CTNNA3: variants seen among roughly 807,000 people sequenced by gnomAD.
CTNNA3 encodes catenin alpha 3, also known as catenin alpha-3.
A neutral mutation model predicts 95.7 loss-of-function variants in CTNNA3; 76 were observed. The observed-to-expected ratio is 0.79, with a 90% confidence interval of 0.66 to 0.96. The LOEUF (loss-of-function observed/expected upper bound fraction) is 0.96, where lower values mean the gene tolerates loss of function less well. Among genes scored for constraint, CTNNA3 ranks in the 40% least tolerant of loss-of-function variants. CTNNA3 has a pLI of 0.00. For missense variants in CTNNA3, 1,191 were observed against 1,089.8 expected (o/e 1.09, Z -1.31); for synonymous variants, 431 against 374.4 (o/e 1.15, Z -1.74).
At chr10:66,133,037 C>A (rs1464348837) in intron 13 of CTNNA3, among the ~76,000 whole-genome samples, 2 of 151,672 alleles carry the variant, frequency 1.3e-5, no homozygotes, top group African/African-American at 2.4e-5. Flanking sequence ...TACAAGTACC[C>A]CAGCACCTAA....
At chr10:66,216,428 G>C (rs2088542130) in intron 13 of CTNNA3, among the ~76,000 whole-genome samples, 1 of 152,202 alleles carries the variant, frequency 6.6e-6, no homozygotes, top group African/African-American at 2.4e-5. Flanking sequence ...GTTTCTTTCT[G>C]AGGAACTGGA....
At chr10:66,267,744 C>T (rs532891374) in intron 13 of CTNNA3, among the ~76,000 whole-genome samples, 38 of 152,176 alleles carry the variant, frequency 2.5e-4, no homozygotes, top group African/African-American at 8.9e-4. Flanking sequence ...ATTCCACATA[C>T]CCTCCTCAAG....
intron 7 of CTNNA3, among the ~76,000 whole-genome samples, chr10:66,873,771 TAA>T (rs1260024799): frequency 6.6e-6 from 1 of 152,112 alleles, no homozygotes; most frequent in Non-Finnish European, 1.5e-5. Flanking sequence ...CAAGATGGAT[TAA>T]AGAGTTAAAC....
chr10:65,990,111 C>CT (rs1236390399), intron 15 of CTNNA3, among the ~76,000 whole-genome samples: 1 of 133,790 alleles, frequency 7.5e-6, no homozygotes, highest in East Asian at 2.2e-4. Flanking sequence ...ACACACACAC[C>CT]ACATTTTATT....
chr10:66,970,347 T>C (rs1204468929), intron 7 of CTNNA3, among the ~76,000 whole-genome samples: 2 of 152,158 alleles, frequency 1.3e-5, no homozygotes, highest in Non-Finnish European at 2.9e-5. Flanking sequence ...AAGTCATCCA[T>C]ATATTACCTG....
chr10:67,743,935 C>T (rs1300553990), intron 1 of CTNNA3, among the ~76,000 whole-genome samples: 1 of 151,104 alleles, frequency 6.6e-6, no homozygotes, highest in Non-Finnish European at 1.5e-5. Flanking sequence ...CCTAGGAATC[C>T]AACTTACAAG....
chr10:67,461,283 G>T (rs771394578), intron 5 of CTNNA3, among the ~76,000 whole-genome samples: 48 of 152,014 alleles, frequency 3.2e-4, no homozygotes, highest in Non-Finnish European at 6.3e-4. Context: ...TAGAACATTT[G>T]GAGTGCCACT....
chr10:66,472,022 T>C (rs978906968), intron 11 of CTNNA3, among the ~76,000 whole-genome samples: 1 of 152,024 alleles, frequency 6.6e-6, no homozygotes, highest in Non-Finnish European at 1.5e-5. Flanking sequence ...TAGTTCATTA[T>C]GGGCAAAACA....
At chr10:67,559,421 C>T (rs1211978135) in intron 3 of CTNNA3, among the ~76,000 whole-genome samples, 1 of 152,186 alleles carries the variant, frequency 6.6e-6, no homozygotes, top group African/African-American at 2.4e-5. Flanking sequence ...AGACCTGCAG[C>T]TGAGGGTCCT....
chr10:67,131,305 T>C (rs906344459), intron 7 of CTNNA3, among the ~76,000 whole-genome samples: 2 of 152,122 alleles, frequency 1.3e-5, no homozygotes, highest in Non-Finnish European at 2.9e-5. Context: ...ATCCTCTATA[T>C]GCCTCTATTT....
rs1487982640 is a variant in CTNNA3 at position 67,757,319 on chromosome 10, C to A, written c.-2+6115G>T. Among the ~76,000 whole-genome samples, 4 of 152,190 alleles carry A rather than the reference C, an allele frequency of 2.6e-5. No homozygotes were observed. The East Asian group carries it at 7.7e-4, about 29-fold the overall frequency. ...CAACGTGGTGGTTAATTTTACGTAT[C>A]AACTCGACTGGGCTAACGGATGCTG... is the stretch of plus-strand genomic sequence containing the variant. On this transcript the variant is annotated intron_variant, in intron 1 of 17. Coordinates refer to the CTNNA3 transcript ENST00000684154.
intron 12 of CTNNA3, among the ~76,000 whole-genome samples, chr10:66,286,622 C>T (rs376058142): frequency 9.2e-5 from 14 of 151,916 alleles, no homozygotes; most frequent in African/African-American, 3.4e-4. Flanking sequence ...GGAAAGAAGT[C>T]TAGAGTAAAA....
intron 5 of CTNNA3, among the ~76,000 whole-genome samples, chr10:67,482,247 C>T (rs1848263490): frequency 6.6e-6 from 1 of 151,702 alleles, no homozygotes; most frequent in African/African-American, 2.4e-5. Context: ...TTTTTGGTTC[C>T]ATATGAACTT....
chr10:67,289,139 C>T (rs1230862886), intron 5 of CTNNA3, among the ~76,000 whole-genome samples: 3 of 151,946 alleles, frequency 2.0e-5, no homozygotes, highest in Middle Eastern at 3.4e-3. Context: ...AGTAATTATC[C>T]GTAGAATTTC....
rs1162685478 is a variant in CTNNA3 at position 66,341,418 on chromosome 10, T to G, written c.1732+37734A>C. On this transcript the variant is annotated intron_variant, in intron 12 of 17. Transcript: ENST00000433211. ...TACTTTGACTAAGCTCATTTCAAATTATAACATCAGCAAAATTAAGCTATT... is the reference window on the plus strand; with the variant it reads ...TACTTTGACTAAGCTCATTTCAAATGATAACATCAGCAAAATTAAGCTATT... 4.6e-5 allele frequency among the ~76,000 whole-genome samples: 7 copies of G among 151,900 alleles called. 1 individual carries two copies. Among genetic ancestry groups the G allele is most frequent in the Non-Finnish European group, 8.8e-5 (6 of 67,828 alleles).
intron 11 of CTNNA3, among the ~76,000 whole-genome samples, chr10:66,405,995 G>C (rs2093054180): frequency 6.6e-6 from 1 of 152,010 alleles, no homozygotes; most frequent in South Asian, 2.1e-4. Context: ...TAACTCTTTA[G>C]TTTCACTCCA....
At chr10:66,820,143 T>C (rs1212483727) in intron 7 of CTNNA3, among the ~76,000 whole-genome samples, 1 of 151,926 alleles carries the variant, frequency 6.6e-6, no homozygotes, top group South Asian at 2.1e-4. Context: ...TACAATATAA[T>C]ATTATTCCAT....
chr10:67,277,785 G>C (rs555397478), intron 5 of CTNNA3, among the ~76,000 whole-genome samples: 4 of 152,120 alleles, frequency 2.6e-5, no homozygotes, highest in Non-Finnish European at 5.9e-5. Flanking sequence ...ACTCCCACCA[G>C]TGTCATGACA....
At chr10:65,928,857 C>T (rs2077206406) in intron 17 of CTNNA3, among the ~76,000 whole-genome samples, 1 of 152,080 alleles carries the variant, frequency 6.6e-6, no homozygotes, top group Non-Finnish European at 1.5e-5. Context: ...TCCCAAATTC[C>T]CACTTTTAGA....
Sources: gnomAD v4.1 joint callset for allele counts (sites outside exome capture counted in the v4.1 genomes callset) on GRCh38, gnomAD v4.1.1 for gene constraint, MANE v1.5 for transcripts, NCBI Gene and HGNC (gene_info 2026-07-23, HGNC 2026-07-21) for gene names.